The following KALRN variants were observed in gnomAD, a reference collection of about 807,000 sequenced individuals.
KALRN encodes kalirin RhoGEF kinase, also known as kalirin.
A neutral mutation model predicts 353.7 loss-of-function variants in KALRN; 70 were observed. The observed-to-expected ratio is 0.20, with a 90% CI of 0.16 to 0.24. The LOEUF is 0.24. Ranked by LOEUF, KALRN falls within the 10% of genes least tolerant of loss-of-function variation. The pLI, the probability that KALRN is intolerant of heterozygous loss-of-function variation, is 1.00. For synonymous variants in KALRN, 1,391 were observed against 1,434.8 expected, an observed-to-expected ratio of 0.97 and a Z score of 0.69; for missense variants, 2,791 against 3,756.7, an observed-to-expected ratio of 0.74 and a Z score of 6.72.
chr3:124,430,691 C>A lies in KALRN; in HGVS notation c.2745C>A (p.Leu915=). The stretch of plus-strand genomic sequence containing the variant: ...GGATCCGCAATGGAGAGTCAATGCT[C>A]AACGCCAGCCTGGTCAATGCCAGCT... ...LGWIRNGESM[L]NASLVNASSL... is the part of the protein sequence containing the mutation. The change falls in exon 16 of 60, where the codon CTC becomes CTA. Residue 915 remains leucine (L), a synonymous_variant. Coordinates refer to ENST00000682506, the MANE Select transcript of KALRN (RefSeq NM_001388419.1). 6.2e-7 allele frequency: 1 copy of A among 1,614,170 alleles called. No individual in the cohort carries two copies. The highest frequency in any genetic ancestry group is 1.1e-5 in the South Asian group (1 of 91,082).
At chr3:124,308,436 T>C (rs1396939610) in intron 6 of KALRN, among the ~76,000 whole-genome samples, 1 of 151,592 alleles carries the variant, frequency 6.6e-6, no homozygotes, top group East Asian at 1.9e-4. Flanking sequence ...ACAAACCTCA[T>C]GAAATAAAAA....
At chr3:124,527,818 T>G (rs1353617851) in intron 33 of KALRN, among the ~76,000 whole-genome samples, 1 of 152,112 alleles carries the variant, frequency 6.6e-6, no homozygotes, top group Non-Finnish European at 1.5e-5. Flanking sequence ...TGATATGACA[T>G]CAGCCTAGGT....
At chr3:124,034,386 G>C (rs528084238) in intron 1 of KALRN, among the ~76,000 whole-genome samples, 239 of 152,278 alleles carry the variant, frequency 1.6e-3, no homozygotes, top group Non-Finnish European at 2.9e-3. Flanking sequence ...TTGAGAGGCA[G>C]ACCCAGCTGG....
At chr3:124,172,528 C>T (rs541789481) in intron 1 of KALRN, among the ~76,000 whole-genome samples, 40 of 152,268 alleles carry the variant, frequency 2.6e-4, no homozygotes, top group African/African-American at 9.6e-4. Context: ...GGCCCTGAGC[C>T]TTCTAGCTCT....
At chr3:124,087,515 G>T (rs1274030679) in intron 1 of KALRN, among the ~76,000 whole-genome samples, 1 of 152,068 alleles carries the variant, frequency 6.6e-6, no homozygotes, top group Non-Finnish European at 1.5e-5. Flanking sequence ...TCGAATCATG[G>T]GGCTTTACCT....
chr3:124,250,552 G>A (rs1307719131), intron 3 of KALRN, among the ~76,000 whole-genome samples: 1 of 152,212 alleles, frequency 6.6e-6, no homozygotes, highest in East Asian at 1.9e-4. Flanking sequence ...CAGTGGGGTG[G>A]CTGAGGCACT....
intron 33 of KALRN, among the ~76,000 whole-genome samples, chr3:124,541,343 A>G (rs1016478459): frequency 2.6e-5 from 4 of 151,758 alleles, no homozygotes; most frequent in Non-Finnish European, 5.9e-5. Context: ...CCAGCTACTC[A>G]GGAGGCTGAG....
Position 124,441,952 on chromosome 3 carries a change from C to G in KALRN, c.3206C>G (p.Thr1069Ser), listed in dbSNP as rs745622605. The change falls in exon 19 of 60, where the codon ACC (threonine) becomes AGC (serine). Residue 1069 changes from threonine to serine, a missense_variant. Thr to Ser is a moderately conservative substitution (Grantham distance 58). Coordinates refer to ENST00000682506, the MANE Select transcript of KALRN (RefSeq NM_001388419.1). ...EQKEAFLKAC[T>S]LARRNAEVFL... ...CAGCTTTGTCTTTCGCAGGCCTGCA[C>G]CCTGGCTCGGCGGAATGCTGAGGTG... The G allele has an allele frequency of 6.3e-7, 1 of 1,586,794 alleles. No individual in the cohort carries two copies. The highest frequency in any genetic ancestry group is 8.6e-7 in the Non-Finnish European group (1 of 1,161,314).
Position 124,632,572 on chromosome 3 carries a change from C to A in KALRN, c.5335C>A (p.Arg1779=). ...GAAGTGGCTGACGAGTCCTGTGCGTCGGCTTAACAGCGGGAAGGCAGATGG... is the reference window on the plus strand; with the variant it reads ...GAAGTGGCTGACGAGTCCTGTGCGTAGGCTTAACAGCGGGAAGGCAGATGG... The part of the protein sequence containing the change: ...LKKWLTSPVR[R]LNSGKADGNI... Residue 1779 remains arginine (R), a synonymous_variant, in exon 35 of 60, where the codon CGG becomes AGG. Coordinates refer to ENST00000682506, the MANE Select transcript of KALRN (RefSeq NM_001388419.1). 1 of 1,614,164 alleles carries A rather than the reference C, an allele frequency of 6.2e-7. No homozygotes were observed. Among genetic ancestry groups the A allele is most frequent in the Non-Finnish European group, 8.5e-7 (1 of 1,180,034 alleles).
intron 15 of KALRN, among the ~76,000 whole-genome samples, chr3:124,429,756 T>C (rs2093188607): frequency 6.6e-6 from 1 of 152,242 alleles, no homozygotes; most frequent in Admixed American, 6.5e-5. Flanking sequence ...TAACATCACA[T>C]AGAAGTTGTA....
At chr3:124,645,904 G>A (rs2082655447) in intron 37 of KALRN, among the ~76,000 whole-genome samples, 2 of 151,726 alleles carry the variant, frequency 1.3e-5, no homozygotes, top group South Asian at 4.2e-4. Flanking sequence ...GTCTACATAA[G>A]TCTACATTCC....
chr3:124,299,636 G>A (rs559492389), intron 6 of KALRN, among the ~76,000 whole-genome samples: 5 of 152,222 alleles, frequency 3.3e-5, no homozygotes, highest in African/African-American at 1.2e-4. Context: ...GTATAAAATG[G>A]AAATAATAAT....
At chr3:124,467,636 G>A (rs1433275297) in intron 25 of KALRN, among the ~76,000 whole-genome samples, 1 of 152,184 alleles carries the variant, frequency 6.6e-6, no homozygotes, top group African/African-American at 2.4e-5. Flanking sequence ...GCAATAGGGG[G>A]TTTGGGAGTG....
chr3:124,211,036 A>C (rs2076856803), intron 1 of KALRN, among the ~76,000 whole-genome samples: 1 of 152,242 alleles, frequency 6.6e-6, no homozygotes, highest in Non-Finnish European at 1.5e-5. Flanking sequence ...AGCTGACAGC[A>C]TGTGGATAAT....
At chr3:124,372,975 A>C (rs546223871) in intron 10 of KALRN, among the ~76,000 whole-genome samples, 5 of 152,048 alleles carry the variant, frequency 3.3e-5, no homozygotes, top group African/African-American at 9.7e-5. Flanking sequence ...TGGCTGCCAG[A>C]CATTCCCGCA....
At chr3:124,129,171 G>A (rs924933979) in intron 1 of KALRN, among the ~76,000 whole-genome samples, 2 of 152,110 alleles carry the variant, frequency 1.3e-5, no homozygotes, top group East Asian at 1.9e-4. Flanking sequence ...AGGAAGGTCC[G>A]TCATACTCAG....
intron 10 of KALRN, among the ~76,000 whole-genome samples, chr3:124,364,831 G>C (rs568167786): frequency 6.6e-5 from 10 of 152,280 alleles, no homozygotes. Flanking sequence ...GCTTCTCTGA[G>C]GACAGCTGTT....
chr3:124,692,484 C>T (rs1352071373), intron 51 of KALRN, among the ~76,000 whole-genome samples: 1 of 152,164 alleles, frequency 6.6e-6, no homozygotes, highest in East Asian at 1.9e-4. Flanking sequence ...GATATGCATA[C>T]ATACAGGGAA....
chr3:124,718,853 A>G, intron 59 of KALRN, 72 bp from the exon 60 acceptor site: 1 of 1,306,084 alleles, frequency 7.7e-7, no homozygotes, highest in Non-Finnish European at 1.1e-6. Context: ...TGAATTAATG[A>G]GGTATTTTGA....
Sources: gnomAD v4.1 joint callset for allele counts (sites outside exome capture counted in the v4.1 genomes callset) on GRCh38, gnomAD v4.1.1 for gene constraint, MANE v1.5 for transcripts, NCBI Gene and HGNC (gene_info 2026-07-23, HGNC 2026-07-21) for gene names.